Variants in DCC observed in about 807,000 individuals in gnomAD.
DCC encodes netrin receptor DCC.
A neutral mutation model predicts 172.5 loss-of-function variants in DCC; 58 were observed. The observed-to-expected ratio is 0.34, with a 90% CI of 0.27 to 0.42. The LOEUF is 0.42. Among genes scored for constraint, DCC ranks in the 10% least tolerant of loss-of-function variants. The pLI, the probability that DCC is intolerant of heterozygous loss-of-function variation, is 1.00. For missense variants in DCC, 1,740 were observed against 1,791.0 expected (o/e 0.97, Z 0.51); for synonymous variants, 709 against 644.5 (o/e 1.10, Z -1.52).
At chr18:53,389,023 A>G (rs574554419) in intron 16 of DCC, among the ~76,000 whole-genome samples, 190 of 152,212 alleles carry the variant, frequency 1.2e-3, no homozygotes, top group African/African-American at 4.1e-3. Flanking sequence ...GCCTCAAACA[A>G]TCCTTCTGCC....
At chr18:53,414,390 A>T (rs1408690306) in intron 20 of DCC, among the ~76,000 whole-genome samples, 1 of 152,110 alleles carries the variant, frequency 6.6e-6, no homozygotes, top group Non-Finnish European at 1.5e-5. Context: ...GTGGGAGGAA[A>T]CTTTGGGAGT....
At chr18:52,739,372 G>T (rs185592356) in intron 1 of DCC, among the ~76,000 whole-genome samples, 2 of 152,002 alleles carry the variant, frequency 1.3e-5, no homozygotes, top group African/African-American at 4.8e-5. Flanking sequence ...TATTCAACAG[G>T]TATTTGTTAA....
intron 5 of DCC, among the ~76,000 whole-genome samples, chr18:53,034,309 A>C (rs571896190): frequency 6.6e-6 from 1 of 151,914 alleles, no homozygotes; most frequent in Admixed American, 6.6e-5. Context: ...CAAATTTCTC[A>C]TTTCTCTTCA....
At chr18:52,633,980 T>C (rs1281800125) in intron 1 of DCC, among the ~76,000 whole-genome samples, 1 of 152,264 alleles carries the variant, frequency 6.6e-6, no homozygotes, top group Non-Finnish European at 1.5e-5. Context: ...ACCCTGCTCA[T>C]GGCAGGTGGA....
Position 52,417,119 on chromosome 18 carries a change from C to T in DCC, c.91+76241C>T, listed in dbSNP as rs1195226805. 2.0e-5 allele frequency among the ~76,000 whole-genome samples: 3 copies of T among 152,070 alleles called. No individual in the cohort carries two copies. In the South Asian group the frequency reaches 6.2e-4, roughly 31 times the overall value. On this transcript the variant is annotated intron_variant, in intron 1 of 28. Coordinates refer to ENST00000442544, the MANE Select transcript of DCC (RefSeq NM_005215.4). ...CTTATCTGTAAAGTATTTTATTTCT[C>T]CTTCACTTATGAAGCTTAGTTTGGC...
intron 5 of DCC, among the ~76,000 whole-genome samples, chr18:52,960,095 TGCACACAC>T (rs1413407128): frequency 2.6e-5 from 4 of 152,088 alleles, no homozygotes; most frequent in Admixed American, 6.6e-5. Flanking sequence ...CACGCATGCA[TGCACACAC>T]GCACACACAC....
At chr18:52,741,486 A>T (rs1468602698) in intron 1 of DCC, among the ~76,000 whole-genome samples, 2 of 152,152 alleles carry the variant, frequency 1.3e-5, no homozygotes, top group Non-Finnish European at 2.9e-5. Context: ...GTCCCTCTAC[A>T]TGGTGGATGC....
chr18:52,566,197 G>A (rs2033156209), intron 1 of DCC, among the ~76,000 whole-genome samples: 1 of 152,090 alleles, frequency 6.6e-6, no homozygotes, highest in South Asian at 2.1e-4. Flanking sequence ...AAAAAAAGAT[G>A]AGTCCATGTC....
At position 52,408,724 on chromosome 18, in the gene DCC, T is replaced by C. The variant is rs545587081; in HGVS notation, c.91+67846T>C. Among the ~76,000 whole-genome samples the C allele has an allele frequency of 1.1e-4, 17 of 152,268 alleles. No homozygotes were observed. The South Asian group carries it at 1.4e-3, about 13-fold the overall frequency. On this transcript the variant is annotated intron_variant, in intron 1 of 28. Transcript: ENST00000442544. ...TGGTACTGGAAAAAATATAATTTCATACCCTAAGCATTTTCAGCTTAACTC... is the reference window on the plus strand; with the variant it reads ...TGGTACTGGAAAAAATATAATTTCACACCCTAAGCATTTTCAGCTTAACTC...
At chr18:52,569,825 G>A (rs983302937) in intron 1 of DCC, among the ~76,000 whole-genome samples, 20 of 152,210 alleles carry the variant, frequency 1.3e-4, no homozygotes, top group African/African-American at 4.6e-4. Flanking sequence ...AAAATATAAA[G>A]GCAATGTGTA....
chr18:53,390,629 A>G (rs1160883713), intron 16 of DCC, among the ~76,000 whole-genome samples: 1 of 152,228 alleles, frequency 6.6e-6, no homozygotes, highest in Non-Finnish European at 1.5e-5. Context: ...ACAAAATCAA[A>G]TGCTCAAAGT....
intron 27 of DCC, among the ~76,000 whole-genome samples, chr18:53,518,727 A>G (rs1268606112): frequency 6.6e-6 from 1 of 152,138 alleles, no homozygotes; most frequent in Non-Finnish European, 1.5e-5. Context: ...TAGCACATCA[A>G]CAGCCAGCGT....
intron 1 of DCC, among the ~76,000 whole-genome samples, chr18:52,603,730 C>T (rs1434089217): frequency 1.3e-5 from 2 of 151,550 alleles, no homozygotes; most frequent in African/African-American, 2.4e-5. Flanking sequence ...ACACTGCAAA[C>T]ATTAGGCCTG....
At chr18:52,628,279 T>A (rs993987967) in intron 1 of DCC, among the ~76,000 whole-genome samples, 5 of 152,222 alleles carry the variant, frequency 3.3e-5, no homozygotes, top group African/African-American at 1.2e-4. Context: ...CATTCTGTTA[T>A]GATTAAATTT....
chr18:52,950,921 C>A (rs542112203), intron 5 of DCC, among the ~76,000 whole-genome samples: 113 of 93,556 alleles, frequency 1.2e-3, no homozygotes, highest in African/African-American at 4.5e-3. Context: ...CAGAGTGAGA[C>A]TCCGTCTCAA....
intron 13 of DCC, among the ~76,000 whole-genome samples, chr18:53,311,945 A>C (rs1033668388): frequency 1.3e-5 from 2 of 152,182 alleles, no homozygotes; most frequent in Non-Finnish European, 2.9e-5. Flanking sequence ...TGATTGTATC[A>C]GTATTAAAAG....
chr18:53,427,461 A>G (rs1911046530), intron 21 of DCC, among the ~76,000 whole-genome samples: 1 of 152,096 alleles, frequency 6.6e-6, no homozygotes, highest in South Asian at 2.1e-4. Flanking sequence ...ACTTGCATGA[A>G]TAATAATTAT....
chr18:53,108,128 A>G (rs999177235), intron 7 of DCC, among the ~76,000 whole-genome samples: 14 of 151,502 alleles, frequency 9.2e-5, no homozygotes, highest in Admixed American at 6.6e-5. Context: ...TATATTTTCT[A>G]TTATGAAACA....
At chr18:53,502,572 T>C (rs1430368886) in intron 27 of DCC, among the ~76,000 whole-genome samples, 1 of 152,232 alleles carries the variant, frequency 6.6e-6, no homozygotes, top group African/African-American at 2.4e-5. Flanking sequence ...AAATCATTAC[T>C]TTCCTCAAAC....
Sources: allele counts gnomAD v4.1 joint callset (sites outside exome capture counted in the v4.1 genomes callset), GRCh38; gene constraint gnomAD v4.1.1; transcripts MANE v1.5; gene names NCBI Gene and HGNC (gene_info 2026-07-23, HGNC 2026-07-21).